Variants in DPP10 observed in about 807,000 individuals in gnomAD.
DPP10 encodes inactive dipeptidyl peptidase 10.
In DPP10, 33 loss-of-function variants were observed where a neutral mutation model predicts 120.9. That is an observed-to-expected ratio of 0.27 (90% CI 0.21 to 0.37). The LOEUF (loss-of-function observed/expected upper bound fraction) is 0.37. DPP10 is among the 10% of genes least tolerant of loss of function. The probability of loss-of-function intolerance (pLI) is 1.00; values close to 1 mark genes in which losing one functional copy is unlikely to be tolerated. For synonymous variants in DPP10, 337 were observed against 326.1 expected, an observed-to-expected ratio of 1.03 and a Z score of -0.36; for missense variants, 816 against 942.8, an observed-to-expected ratio of 0.87 and a Z score of 1.76.
intron 1 of DPP10, among the ~76,000 whole-genome samples, chr2:115,238,909 A>G (rs2058131074): frequency 6.6e-6 from 1 of 152,070 alleles, no homozygotes; most frequent in Admixed American, 6.6e-5. Flanking sequence ...GGCCATCTGC[A>G]AGCTGAGGAG....
chr2:115,661,344 A>G (rs1490428359), intron 5 of DPP10, among the ~76,000 whole-genome samples: 1 of 152,200 alleles, frequency 6.6e-6, no homozygotes, highest in East Asian at 1.9e-4. Flanking sequence ...TAAGTTCTCA[A>G]CATGGAAATC....
intron 3 of DPP10, among the ~76,000 whole-genome samples, chr2:115,388,511 T>C (rs993099355): frequency 3.3e-5 from 5 of 152,162 alleles, no homozygotes; most frequent in Admixed American, 3.3e-4. Flanking sequence ...GCAGTGGAGA[T>C]AGAAGAGGGA....
chr2:115,410,627 G>GA (rs1472070653), intron 3 of DPP10, among the ~76,000 whole-genome samples: 1 of 152,082 alleles, frequency 6.6e-6, no homozygotes, highest in Non-Finnish European at 1.5e-5. Flanking sequence ...AAAGCTGAAG[G>GA]AAAAAGACAA....
intron 13 of DPP10, among the ~76,000 whole-genome samples, chr2:115,769,233 G>A (rs1046765128): frequency 6.6e-6 from 1 of 151,978 alleles, no homozygotes; most frequent in African/African-American, 2.4e-5. Context: ...CTTCATGAGT[G>A]TTTTACAAAC....
chr2:115,197,052 AAGTTAGTAATGGAAT>A (rs2055329077), intron 1 of DPP10, among the ~76,000 whole-genome samples: 1 of 152,154 alleles, frequency 6.6e-6, no homozygotes, highest in Non-Finnish European at 1.5e-5. Flanking sequence ...ACATGGGCAA[AAGTTAGTAATGGAAT>A]ATTGAGGAAA....
chr2:115,013,658 C>CAA (rs59313783), intron 1 of DPP10, among the ~76,000 whole-genome samples: 88 of 58,414 alleles, frequency 1.5e-3, no homozygotes, highest in East Asian at 7.2e-3. Context: ...AAATGGAAAG[C>CAA]AAAAAAAAAA....
chr2:114,462,608 G>T (rs1397437531), intron 1 of DPP10, among the ~76,000 whole-genome samples: 1 of 152,092 alleles, frequency 6.6e-6, no homozygotes, highest in Non-Finnish European at 1.5e-5. Context: ...TCCTAACAAG[G>T]GTCTATGCTA....
In DPP10 at chr2:115,777,822, G is replaced by A. The variant is rs1028589640; in HGVS notation, c.1349G>A (p.Arg450Lys). 4 of 1,613,162 alleles carry A rather than the reference G, an allele frequency of 2.5e-6. No individual in the cohort carries two copies. Among genetic ancestry groups the A allele is most frequent in the African/African-American group, 1.3e-5 (1 of 74,866 alleles). The stretch of plus-strand genomic sequence containing the variant: ...AGCACTGAATCTTCTCCCAGAGGAA[G>A]GCAGCTGTACAGGTAAGCAGTGTGC... ...FLSTESSPRG[R>K]QLYSASTEGL... The change falls in exon 15 of 26, where the codon AGG becomes AAG. Residue 450 changes from arginine (R) to lysine (K), a missense_variant. Physicochemically the swap from Arg to Lys is conservative, Grantham distance 26. Coordinates refer to ENST00000410059, the MANE Select transcript of DPP10 (RefSeq NM_020868.6).
intron 1 of DPP10, among the ~76,000 whole-genome samples, chr2:115,152,856 G>A (rs986190699): frequency 3.3e-5 from 5 of 152,084 alleles, no homozygotes; most frequent in African/African-American, 1.2e-4. Context: ...GAGTTAACCC[G>A]CCAGGTTTAT....
chr2:114,713,404 G>A (rs1258710537), intron 1 of DPP10, among the ~76,000 whole-genome samples: 1 of 152,162 alleles, frequency 6.6e-6, no homozygotes, highest in Non-Finnish European at 1.5e-5. Flanking sequence ...TAGACAGACT[G>A]TTCTCCAGAA....
intron 5 of DPP10, among the ~76,000 whole-genome samples, chr2:115,547,912 C>T (rs966201377): frequency 2.6e-5 from 4 of 152,026 alleles, no homozygotes; most frequent in Admixed American, 1.3e-4. Context: ...AGATCAAAAT[C>T]GATTTTGTTT....
At chr2:115,363,241 C>T (rs1464340285) in intron 3 of DPP10, among the ~76,000 whole-genome samples, 3 of 152,164 alleles carry the variant, frequency 2.0e-5, no homozygotes, top group African/African-American at 7.2e-5. Context: ...TTTAATTTGT[C>T]TCTGTCACCC....
intron 7 of DPP10, among the ~76,000 whole-genome samples, chr2:115,704,633 T>G (rs1321528178): frequency 1.3e-5 from 2 of 151,978 alleles, no homozygotes; most frequent in African/African-American, 4.8e-5. Context: ...GTTTTGAGGA[T>G]TGTATAATAT....
intron 1 of DPP10, among the ~76,000 whole-genome samples, chr2:115,121,017 T>C (rs1277660665): frequency 6.6e-6 from 1 of 152,218 alleles, no homozygotes; most frequent in African/African-American, 2.4e-5. Flanking sequence ...CCTCAAGGGA[T>C]TGCTCAGTTA....
intron 1 of DPP10, among the ~76,000 whole-genome samples, chr2:114,788,876 T>C (rs928919549): frequency 1.6e-4 from 24 of 152,198 alleles, no homozygotes; most frequent in African/African-American, 5.3e-4. Context: ...TCTCACATGC[T>C]GCCATTAATT....
intron 8 of DPP10, among the ~76,000 whole-genome samples, chr2:115,737,948 G>A (rs1676772729): frequency 6.6e-6 from 1 of 152,154 alleles, no homozygotes; most frequent in Admixed American, 6.5e-5. Context: ...CCCTAGGATA[G>A]CGGTTGCCTC....
intron 1 of DPP10, among the ~76,000 whole-genome samples, chr2:114,921,309 A>G (rs1239038791): frequency 6.6e-6 from 1 of 152,218 alleles, no homozygotes. Context: ...TAAGCAGCAT[A>G]AGTTAGTGAT....
intron 1 of DPP10, among the ~76,000 whole-genome samples, chr2:115,264,681 CAA>C (rs934055392): frequency 7.9e-5 from 12 of 152,118 alleles, no homozygotes; most frequent in Non-Finnish European, 1.5e-4. Context: ...TTTCACATAA[CAA>C]ATTCAAAATA....
At chr2:115,479,846 C>T (rs1022492146) in intron 3 of DPP10, among the ~76,000 whole-genome samples, 3 of 152,074 alleles carry the variant, frequency 2.0e-5, no homozygotes, top group Non-Finnish European at 4.4e-5. Flanking sequence ...TGTGCTGCTA[C>T]CATGGTTTCT....
Sources: allele counts gnomAD v4.1 joint callset (sites outside exome capture counted in the v4.1 genomes callset), GRCh38; gene constraint gnomAD v4.1.1; transcripts MANE v1.5; gene names NCBI Gene and HGNC (gene_info 2026-07-23, HGNC 2026-07-21).